The following SPHKAP variants were observed in gnomAD, a reference collection of about 807,000 sequenced individuals.
The protein encoded by SPHKAP is A-kinase anchor protein SPHKAP.
SPHKAP carries 67 observed loss-of-function variants against 137.5 expected under a neutral mutation model. The ratio of observed to expected loss-of-function variants is 0.49; its 90% CI spans 0.40 to 0.60. SPHKAP has a LOEUF of 0.60. Among genes scored for constraint, SPHKAP ranks in the 20% least tolerant of loss-of-function variants. The pLI, the probability that SPHKAP is intolerant of heterozygous loss-of-function variation, is 0.00. For synonymous variants in SPHKAP, 813 were observed against 785.3 expected, an observed-to-expected ratio of 1.04 and a Z score of -0.59; for missense variants, 2,097 against 2,069.3, an observed-to-expected ratio of 1.01 and a Z score of -0.26.
chr2:228,003,193 C>G (rs1456367589), intron 7 of SPHKAP, among the ~76,000 whole-genome samples: 4 of 152,196 alleles, frequency 2.6e-5, no homozygotes, highest in Admixed American at 2.6e-4. Context: ...TTCTTCCTAC[C>G]TATGAGCATG....
At chr2:228,098,467 A>C (rs1288366534) in intron 3 of SPHKAP, among the ~76,000 whole-genome samples, 2 of 152,206 alleles carry the variant, frequency 1.3e-5, no homozygotes, top group Non-Finnish European at 2.9e-5. Flanking sequence ...TTGTAGGGAC[A>C]TGGATGAAGC....
chr2:228,125,451 A>T (rs1437928237), intron 2 of SPHKAP, among the ~76,000 whole-genome samples: 1 of 152,202 alleles, frequency 6.6e-6, no homozygotes, highest in Non-Finnish European at 1.5e-5. Flanking sequence ...ATTATGTGCC[A>T]AGGGCATACA....
At position 228,021,850 on chromosome 2, in the gene SPHKAP, C is replaced by A; in HGVS notation, c.558G>T (p.Gln186His). ...TTGTTTCCAGGTGGAGCTGTCGCTC[C>A]TGCACCAGTTCCAGACCAATCAGAA... Reference protein sequence around the residue: ...NKFLIGLELVQERQLHLETNI... With the variant: ...NKFLIGLELVHERQLHLETNI... Residue 186 changes from glutamine to histidine, a missense_variant, in exon 6 of 12, where the codon CAG (glutamine) becomes CAT (histidine). Coordinates refer to ENST00000392056, the MANE Select transcript of SPHKAP (RefSeq NM_001142644.2). The A allele has an allele frequency of 6.2e-7, 1 of 1,614,124 alleles. No individual in the cohort carries two copies. The highest frequency in any genetic ancestry group is 8.5e-7 in the Non-Finnish European group (1 of 1,180,006).
Position 228,001,540 on chromosome 2 carries a change from A to ATAT in SPHKAP, c.4449-5847_4449-5846insATA, listed in dbSNP as rs1257071653. Among the ~76,000 whole-genome samples the ATAT allele has an allele frequency of 4.5e-3, 656 of 144,758 alleles. 3 individuals carry two copies. The highest frequency in any genetic ancestry group is 0.016 in the African/African-American group (628 of 39,330). 95.0% of individuals were successfully genotyped at this position (144,758 alleles called of 152,430 possible). On this transcript the variant is annotated intron_variant, in intron 7 of 11. Coordinates refer to ENST00000392056, the MANE Select transcript of SPHKAP (RefSeq NM_001142644.2). Reference sequence around the variant, plus strand: ...AAGAATATATATACATATATATAAAAATATACATATATATAAAAATATATA... The same window carrying ATAT: ...AAGAATATATATACATATATATAAAATATATATACATATATATAAAAATATATA...
chr2:228,021,054 T>C (rs1263534973), intron 6 of SPHKAP, among the ~76,000 whole-genome samples: 4 of 152,100 alleles, frequency 2.6e-5, no homozygotes, highest in Admixed American at 2.0e-4. Context: ...ATGAGACTTG[T>C]CCCAGGGACA....
chr2:228,084,866 A>T (rs1697490114), intron 3 of SPHKAP, among the ~76,000 whole-genome samples: 1 of 152,214 alleles, frequency 6.6e-6, no homozygotes, highest in African/African-American at 2.4e-5. Context: ...AAAAATAGTC[A>T]ATAAAATTGA....
intron 7 of SPHKAP, among the ~76,000 whole-genome samples, chr2:227,999,792 G>A (rs1693779437): frequency 6.6e-6 from 1 of 152,164 alleles, no homozygotes; most frequent in Non-Finnish European, 1.5e-5. Flanking sequence ...ATTTATTTAT[G>A]AATAATGCAC....
At chr2:228,063,379 G>C (rs1389448271) in intron 3 of SPHKAP, among the ~76,000 whole-genome samples, 1 of 152,122 alleles carries the variant, frequency 6.6e-6, no homozygotes, top group African/African-American at 2.4e-5. Flanking sequence ...TTTGCATAAA[G>C]AGAGAGGGTG....
chr2:228,033,949 C>A (rs966413851), intron 3 of SPHKAP, among the ~76,000 whole-genome samples: 1 of 152,130 alleles, frequency 6.6e-6, no homozygotes, highest in African/African-American at 2.4e-5. Flanking sequence ...AATCGACACC[C>A]TAACGTCACA....
intron 7 of SPHKAP, among the ~76,000 whole-genome samples, chr2:228,011,477 C>A (rs1429630892): frequency 6.6e-6 from 1 of 152,202 alleles, no homozygotes; most frequent in African/African-American, 2.4e-5. Context: ...TTTTCAAATT[C>A]TTTCCTTTTT....
chr2:227,989,444 A>G (rs572964433), intron 11 of SPHKAP, among the ~76,000 whole-genome samples: 2 of 152,278 alleles, frequency 1.3e-5, no homozygotes, highest in East Asian at 3.9e-4. Flanking sequence ...TGGTGGCTTG[A>G]TAGGCAGGAT....
At position 228,016,631 on chromosome 2, in the gene SPHKAP, C is replaced by A; in HGVS notation, c.4223G>T (p.Cys1408Phe). 6.2e-7 allele frequency: 1 copy of A among 1,613,664 alleles called. No individual in the cohort carries two copies. Among genetic ancestry groups the A allele is most frequent in the Non-Finnish European group, 8.5e-7 (1 of 1,179,912 alleles). The change falls in exon 7 of 12, where the codon TGC becomes TTC. Residue 1408 changes from cysteine (C) to phenylalanine (F), a missense_variant. Physicochemically the swap from Cys to Phe is radical, Grantham distance 205. Coordinates refer to ENST00000392056, the MANE Select transcript of SPHKAP (RefSeq NM_001142644.2). The part of the protein sequence containing the change: ...PLDSKKETSS[C>F]QDPVPINHKR... ...GTGGTTTATTGGTACAGGGTCCTGGCACGAGGAAGTTTCTTTTTTAGAATC... is the reference window on the plus strand; with the variant it reads ...GTGGTTTATTGGTACAGGGTCCTGGAACGAGGAAGTTTCTTTTTTAGAATC...
chr2:228,147,389 G>A (rs553181287), intron 1 of SPHKAP, among the ~76,000 whole-genome samples: 4 of 152,266 alleles, frequency 2.6e-5, no homozygotes, highest in Non-Finnish European at 5.9e-5. Context: ...AATACAAGAT[G>A]CATATAGTTT....
intron 5 of SPHKAP, among the ~76,000 whole-genome samples, chr2:228,023,338 C>T (rs1020787865): frequency 6.6e-6 from 1 of 152,150 alleles, no homozygotes; most frequent in African/African-American, 2.4e-5. Flanking sequence ...TATGGACCTG[C>T]AGCCATGGCA....
At chr2:228,099,386 C>A (rs1269834730) in intron 3 of SPHKAP, among the ~76,000 whole-genome samples, 2 of 152,078 alleles carry the variant, frequency 1.3e-5, no homozygotes, top group African/African-American at 2.4e-5. Flanking sequence ...TGGTCTGTGT[C>A]TGTTTTTGTA....
rs1694387911 is a variant in SPHKAP at position 228,011,912 on chromosome 2, T to C, written c.4448+4494A>G. Reference sequence around the variant, plus strand: ...CAGGCCCAGTGGCTCACACCTGTACTACCAGCACTTTGGGAGGCTGAGGTG... The same window carrying C: ...CAGGCCCAGTGGCTCACACCTGTACCACCAGCACTTTGGGAGGCTGAGGTG... On this transcript the variant is annotated intron_variant, in intron 7 of 11. Transcript: ENST00000392056. Among the ~76,000 whole-genome samples the C allele has an allele frequency of 2.6e-5, 4 of 152,138 alleles. No homozygotes were observed. The South Asian group carries it at 8.3e-4, about 31-fold the overall frequency.
intron 3 of SPHKAP, among the ~76,000 whole-genome samples, chr2:228,055,217 A>T (rs1696397193): frequency 6.6e-6 from 1 of 151,926 alleles, no homozygotes; most frequent in Non-Finnish European, 1.5e-5. Flanking sequence ...AGATAAAGCA[A>T]ATTTAAGCCT....
chr2:228,080,424 T>C lies in SPHKAP; in HGVS notation c.246+28408A>G, dbSNP rs149560335. On this transcript the variant is annotated intron_variant, in intron 3 of 11. Coordinates refer to ENST00000392056, the MANE Select transcript of SPHKAP (RefSeq NM_001142644.2). Reference sequence around the variant, plus strand: ...GAGAAATGCATTAAAACCACAATGATGTCCAGGTGTGGTGGCTCACGCCAG... The same window carrying C: ...GAGAAATGCATTAAAACCACAATGACGTCCAGGTGTGGTGGCTCACGCCAG... Among the ~76,000 whole-genome samples the C allele has an allele frequency of 1.3e-3, 202 of 152,308 alleles. 2 individuals carry two copies. The highest frequency in any genetic ancestry group is 4.5e-3 in the African/African-American group (187 of 41,574).
In SPHKAP at chr2:228,020,161, TGAG is replaced by T; in HGVS notation, c.698-8_698-6del. The T allele has an allele frequency of 6.3e-7, 1 of 1,579,328 alleles. No individual in the cohort carries two copies. Among genetic ancestry groups the T allele is most frequent in the East Asian group, 2.2e-5 (1 of 44,718 alleles). On this transcript the variant is annotated splice_polypyrimidine_tract_variant and splice_region_variant and intron_variant, in intron 6 of 11. Coordinates refer to ENST00000392056, the MANE Select transcript of SPHKAP (RefSeq NM_001142644.2). ...AGACATTTATATTTTCATAATCTAGTGAGGAGAAAATGAGGGGCACTATTACTT... is the reference window on the plus strand; with the variant it reads ...AGACATTTATATTTTCATAATCTAGTGAGAAAATGAGGGGCACTATTACTT...
Sources: gnomAD v4.1 joint callset for allele counts (sites outside exome capture counted in the v4.1 genomes callset) on GRCh38, gnomAD v4.1.1 for gene constraint, MANE v1.5 for transcripts, NCBI Gene and HGNC (gene_info 2026-07-23, HGNC 2026-07-21) for gene names.